The following TSPAN18 variants were observed in gnomAD, a reference collection of about 807,000 sequenced individuals.
TSPAN18 encodes tetraspanin-18.
In TSPAN18, 14 loss-of-function variants were observed where a neutral mutation model predicts 27.3. That is an observed-to-expected ratio of 0.51 (90% confidence interval 0.34 to 0.80). The LOEUF is 0.80. TSPAN18 is among the 30% of genes least tolerant of loss of function. The pLI is 0.01. For missense variants in TSPAN18, 268 were observed against 323.9 expected, an observed-to-expected ratio of 0.83 and a Z score of 1.32; for synonymous variants, 143 against 136.5, an observed-to-expected ratio of 1.05 and a Z score of -0.33.
At chr11:44,765,431 G>A (rs1306928839) in intron 2 of TSPAN18, among the ~76,000 whole-genome samples, 4 of 152,206 alleles carry the variant, frequency 2.6e-5, no homozygotes, top group Non-Finnish European at 5.9e-5. Flanking sequence ...GGTCCGAGGT[G>A]CAGAGGAACC....
intron 2 of TSPAN18, among the ~76,000 whole-genome samples, chr11:44,800,340 C>T (rs552016096): frequency 3.9e-5 from 6 of 152,158 alleles, no homozygotes; most frequent in African/African-American, 1.4e-4. Context: ...TTGCCAGAGG[C>T]CCCAGAGCTG....
chr11:44,793,412 G>A (rs537886628), intron 2 of TSPAN18, among the ~76,000 whole-genome samples: 13 of 152,286 alleles, frequency 8.5e-5, no homozygotes, highest in African/African-American at 2.9e-4. Flanking sequence ...GCATCAGAAC[G>A]GAAATGGCTG....
intron 5 of TSPAN18, among the ~76,000 whole-genome samples, chr11:44,915,067 G>A (rs1005772146): frequency 1.3e-5 from 2 of 152,312 alleles, no homozygotes; most frequent in East Asian, 1.9e-4. Flanking sequence ...GATCTGCTTC[G>A]TCCATTATTT....
intron 2 of TSPAN18, among the ~76,000 whole-genome samples, chr11:44,807,033 T>C (rs1276632731): frequency 1.3e-5 from 2 of 151,284 alleles, no homozygotes; most frequent in Non-Finnish European, 2.9e-5. Flanking sequence ...ATGAGTTGGG[T>C]TTAAGTCATT....
intron 2 of TSPAN18, among the ~76,000 whole-genome samples, chr11:44,783,388 CTCTT>C (rs1855983212): frequency 6.6e-6 from 1 of 151,012 alleles, no homozygotes; most frequent in South Asian, 2.1e-4. Context: ...TATACCAAGA[CTCTT>C]TCTTTTCTTT....
intron 2 of TSPAN18, among the ~76,000 whole-genome samples, chr11:44,765,789 G>A (rs1315932624): frequency 2.0e-5 from 3 of 152,144 alleles, no homozygotes; most frequent in African/African-American, 7.2e-5. Context: ...TCCATGTCCT[G>A]TAAAAACATA....
chr11:44,897,747 A>G, intron 3 of TSPAN18: 1 of 1,286,590 alleles, frequency 7.8e-7, no homozygotes, highest in Non-Finnish European at 1.0e-6. Flanking sequence ...CTCTTATTGG[A>G]CAAGCTGGGC....
chr11:44,761,556 A>C lies in TSPAN18; in HGVS notation c.-239-2870A>C, dbSNP rs183527710. 7.9e-5 allele frequency among the ~76,000 whole-genome samples: 12 copies of C among 152,340 alleles called. No homozygotes were observed. The East Asian group carries it at 9.7e-4, about 12-fold the overall frequency. ...ATAAACTAATCTCCTCTGAGGCTGC[A>C]GGAAGGCAAAATTCCACCGAAGACG... On this transcript the variant is annotated intron_variant, in intron 1 of 9. Coordinates refer to ENST00000520358, the MANE Select transcript of TSPAN18 (RefSeq NM_130783.5).
At position 44,799,509 on chromosome 11, in the gene TSPAN18, G is replaced by T. The variant is rs556881376; in HGVS notation, c.-153+34997G>T. On this transcript the variant is annotated intron_variant, in intron 2 of 9. Coordinates refer to ENST00000520358, the MANE Select transcript of TSPAN18 (RefSeq NM_130783.5). Reference sequence around the variant, plus strand: ...ATCTGTTAGCCCTCCAAGTAAGGGAGAACGTCAATGAGCGGGCAGTAGCTC... The same window carrying T: ...ATCTGTTAGCCCTCCAAGTAAGGGATAACGTCAATGAGCGGGCAGTAGCTC... Among the ~76,000 whole-genome samples the T allele has an allele frequency of 3.2e-4, 48 of 152,318 alleles. 1 individual carries two copies. The South Asian group carries it at 9.7e-3, about 31-fold the overall frequency.
chr11:44,854,489 T>A (rs752332730), intron 2 of TSPAN18, among the ~76,000 whole-genome samples: 7 of 152,210 alleles, frequency 4.6e-5, no homozygotes, highest in Non-Finnish European at 8.8e-5. Flanking sequence ...TAGAACTCAC[T>A]GCAAACTTTG....
intron 1 of TSPAN18, among the ~76,000 whole-genome samples, chr11:44,757,942 C>T (rs1479150075): frequency 6.6e-6 from 1 of 152,088 alleles, no homozygotes; most frequent in African/African-American, 2.4e-5. Flanking sequence ...TTTGTATTGT[C>T]TTTTGATGCA....
At chr11:44,746,420 A>G (rs1012110816) in intron 1 of TSPAN18, among the ~76,000 whole-genome samples, 11 of 152,138 alleles carry the variant, frequency 7.2e-5, no homozygotes, top group African/African-American at 1.4e-4. Flanking sequence ...CTGAGCCTCA[A>G]TTTACCCACT....
intron 9 of TSPAN18, 64 bp from the exon 10 acceptor site, chr11:44,929,067 G>A: frequency 6.2e-7 from 1 of 1,603,602 alleles, no homozygotes; most frequent in Non-Finnish European, 8.5e-7. Context: ...CCTGGAGTGG[G>A]CCAGGCAGCC....
chr11:44,809,554 C>T (rs1429468422), intron 2 of TSPAN18, among the ~76,000 whole-genome samples: 1 of 152,208 alleles, frequency 6.6e-6, no homozygotes, highest in African/African-American at 2.4e-5. Flanking sequence ...CCGAATAACC[C>T]AGCTTCTCGC....
intron 1 of TSPAN18, among the ~76,000 whole-genome samples, chr11:44,733,619 G>A (rs1341668640): frequency 6.6e-6 from 1 of 152,196 alleles, no homozygotes; most frequent in Non-Finnish European, 1.5e-5. Context: ...TGGATGGTGA[G>A]GAGGGGAGGT....
chr11:44,866,823 C>G (rs1044959454), intron 3 of TSPAN18, among the ~76,000 whole-genome samples: 2 of 152,210 alleles, frequency 1.3e-5, no homozygotes, highest in African/African-American at 4.8e-5. Flanking sequence ...TTCTGACTGG[C>G]CTGGGAAACC....
intron 9 of TSPAN18, 23 bp downstream of exon 9, chr11:44,926,780 G>A: frequency 6.2e-7 from 1 of 1,611,204 alleles, no homozygotes; most frequent in East Asian, 2.2e-5. Flanking sequence ...CCCCACTTCT[G>A]CCGCTCCCCA....
chr11:44,762,643 G>A (rs1164064899), intron 1 of TSPAN18, among the ~76,000 whole-genome samples: 2 of 152,154 alleles, frequency 1.3e-5, no homozygotes, highest in Non-Finnish European at 2.9e-5. Flanking sequence ...GTGTTTGTGT[G>A]TGTGTGTTTA....
chr11:44,786,099 G>T lies in TSPAN18; in HGVS notation c.-153+21587G>T, dbSNP rs200859342. Among the ~76,000 whole-genome samples the T allele has an allele frequency of 3.3e-5, 5 of 152,370 alleles. No individual in the cohort carries two copies. In the East Asian group the frequency reaches 7.7e-4, roughly 23 times the overall value. On this transcript the variant is annotated intron_variant, in intron 2 of 9. Transcript: ENST00000520358. ...TGTCAGTAGGACAGGTGAGATGAGG[G>T]CACCAAGTGATGCCACAGGGCCCCG... is the stretch of plus-strand genomic sequence containing the variant.
Sources: gnomAD v4.1 joint callset for allele counts (sites outside exome capture counted in the v4.1 genomes callset) on GRCh38, gnomAD v4.1.1 for gene constraint, MANE v1.5 for transcripts, NCBI Gene and HGNC (gene_info 2026-07-23, HGNC 2026-07-21) for gene names.